Variants in STX18 observed in about 807,000 individuals in gnomAD.
The protein encoded by STX18 is syntaxin 18, also known as syntaxin-18.
A neutral mutation model predicts 50.1 loss-of-function variants in STX18; 40 were observed. The observed-to-expected ratio is 0.80, with a 90% CI of 0.62 to 1.04. STX18 has a LOEUF of 1.04. Ranked by LOEUF, STX18 falls within the 50% of genes least tolerant of loss-of-function variation. The pLI, the probability that STX18 is intolerant of heterozygous loss-of-function variation, is 0.00. For synonymous variants in STX18, 158 were observed against 151.8 expected (o/e 1.04, Z -0.30); for missense variants, 410 against 415.8 (o/e 0.99, Z 0.12).
chr4:4,479,729 C>T (rs1261964816), intron 1 of STX18, among the ~76,000 whole-genome samples: 4 of 152,128 alleles, frequency 2.6e-5, no homozygotes, highest in Non-Finnish European at 2.9e-5. Context: ...ACCCATCTAC[C>T]ATAAAACCAA....
rs1387042893 is a variant in STX18 at position 4,503,567 on chromosome 4, G to T, written c.169-31861C>A. Among the ~76,000 whole-genome samples, 6 of 152,008 alleles carry T rather than the reference G, an allele frequency of 3.9e-5. No individual in the cohort carries two copies. The South Asian group carries it at 6.2e-4, about 16-fold the overall frequency. ...AACTATGATAAAATGATCAATAAAAGATTTCTGGGTCACAGGAGCACCAAA... is the reference window on the plus strand; with the variant it reads ...AACTATGATAAAATGATCAATAAAATATTTCTGGGTCACAGGAGCACCAAA... On this transcript the variant is annotated intron_variant, in intron 1 of 10. Transcript: ENST00000306200.
At chr4:4,532,070 T>C (rs906494504) in intron 1 of STX18, among the ~76,000 whole-genome samples, 133 of 152,326 alleles carry the variant, frequency 8.7e-4, no homozygotes, top group African/African-American at 3.0e-3. Flanking sequence ...TACTGATATT[T>C]AAAAATTTCC....
intron 1 of STX18, among the ~76,000 whole-genome samples, chr4:4,504,680 A>C (rs1729615289): frequency 6.6e-6 from 1 of 152,230 alleles, no homozygotes; most frequent in Admixed American, 6.5e-5. Context: ...CACTTCACTA[A>C]AGAAGGCAAG....
intron 1 of STX18, among the ~76,000 whole-genome samples, chr4:4,520,996 G>C (rs1275419284): frequency 1.3e-5 from 2 of 152,088 alleles, no homozygotes; most frequent in Non-Finnish European, 2.9e-5. Context: ...AATCTTTGAA[G>C]ATGAAAAACA....
At chr4:4,520,843 C>A (rs184790680) in intron 1 of STX18, among the ~76,000 whole-genome samples, 216 of 152,318 alleles carry the variant, frequency 1.4e-3, no homozygotes, top group Non-Finnish European at 2.7e-3. Flanking sequence ...AAGACTCCTG[C>A]CTAGTGAAAT....
At chr4:4,541,214 G>A (rs1731574832) in intron 1 of STX18, among the ~76,000 whole-genome samples, 1 of 152,180 alleles carries the variant, frequency 6.6e-6, no homozygotes, top group African/African-American at 2.4e-5. Context: ...GGGAGATGAA[G>A]GGACACCTGC....
intron 1 of STX18, among the ~76,000 whole-genome samples, chr4:4,532,028 C>T (rs1731118556): frequency 6.6e-6 from 1 of 152,140 alleles, no homozygotes; most frequent in Non-Finnish European, 1.5e-5. Context: ...AATAGCTATG[C>T]AGCCAAATAA....
At chr4:4,533,568 A>G (rs533576706) in intron 1 of STX18, among the ~76,000 whole-genome samples, 9 of 152,374 alleles carry the variant, frequency 5.9e-5, no homozygotes, top group African/African-American at 2.2e-4. Context: ...CATTAGTTAC[A>G]GTGCTTACAA....
chr4:4,528,222 G>A (rs1468226327), intron 1 of STX18, among the ~76,000 whole-genome samples: 1 of 151,988 alleles, frequency 6.6e-6, no homozygotes, highest in Admixed American at 6.5e-5. Context: ...AGAAGCCAGG[G>A]GGCAAGGAAA....
At chr4:4,469,425 G>GC (rs11437733) in intron 2 of STX18, among the ~76,000 whole-genome samples, 11,309 of 152,192 alleles carry the variant, frequency 0.074, 1,354 homozygotes, top group African/African-American at 0.25. Flanking sequence ...GTGAAATGAA[G>GC]CGACAGGGCC....
chr4:4,500,502 C>G (rs1045136264), intron 1 of STX18, among the ~76,000 whole-genome samples: 1 of 152,134 alleles, frequency 6.6e-6, no homozygotes, highest in African/African-American at 2.4e-5. Flanking sequence ...AGGTTATACA[C>G]AAATACTGCA....
chr4:4,473,279 C>T (rs575561864), intron 1 of STX18, among the ~76,000 whole-genome samples: 1 of 150,968 alleles, frequency 6.6e-6, no homozygotes, highest in African/African-American at 2.4e-5. Context: ...TAGGCTGCAT[C>T]AGGAAATCTG....
chr4:4,430,170 T>G (rs1725452002), intron 7 of STX18, among the ~76,000 whole-genome samples: 1 of 152,244 alleles, frequency 6.6e-6, no homozygotes, highest in Non-Finnish European at 1.5e-5. Context: ...TTTTGAAATA[T>G]GTAATAACTG....
At position 4,436,950 on chromosome 4, in the gene STX18, C is replaced by CTTTTT. The variant is rs34174730; in HGVS notation, c.613+1439_613+1443dup. Reference sequence around the variant, plus strand: ...TTTTATTTTTTCAGGTCCAGACTCACTTTTTTTTTTTTTTTTTTTTTTTTT... The same window carrying CTTTTT: ...TTTTATTTTTTCAGGTCCAGACTCACTTTTTTTTTTTTTTTTTTTTTTTTTTTTTT... On this transcript the variant is annotated intron_variant, in intron 6 of 10. Transcript: ENST00000306200. 4.7e-4 allele frequency among the ~76,000 whole-genome samples: 55 copies of CTTTTT among 116,762 alleles called. 1 individual carries two copies. The highest frequency in any genetic ancestry group is 1.8e-3 in the African/African-American group (52 of 29,212). The allele number at this position is 116,762 out of a possible 152,430, so 76.6% of individuals were successfully genotyped here. A position where few individuals can be genotyped will look rare whatever the true frequency, so the allele number is the denominator to read the frequency against.
At position 4,490,029 on chromosome 4, in the gene STX18, T is replaced by C. The variant is rs148617090; in HGVS notation, c.169-18323A>G. Among the ~76,000 whole-genome samples the C allele has an allele frequency of 1.7e-4, 26 of 152,276 alleles. 1 individual carries two copies. In the East Asian group the frequency reaches 4.6e-3, roughly 27 times the overall value. ...GGTAAAGCATTTGAAACACCATACATACAAAAAATTTTCATTCATATTGCA... is the reference window on the plus strand; with the variant it reads ...GGTAAAGCATTTGAAACACCATACACACAAAAAATTTTCATTCATATTGCA... On this transcript the variant is annotated intron_variant, in intron 1 of 10. Transcript: ENST00000306200.
rs142666026 is a variant in STX18, at chr4:4,461,535, C to G, written c.237-2048G>C. Among the ~76,000 whole-genome samples the G allele has an allele frequency of 2.0e-5, 3 of 152,306 alleles. No homozygotes were observed. The East Asian group carries it at 5.8e-4, about 29-fold the overall frequency. On this transcript the variant is annotated intron_variant, in intron 2 of 10. Transcript: ENST00000306200. Reference sequence around the variant, plus strand: ...GTCAAACTAACAAAGCCTCATAGGTCTGAAGGCAGTATTTCTACACATATT... The same window carrying G: ...GTCAAACTAACAAAGCCTCATAGGTGTGAAGGCAGTATTTCTACACATATT...
intron 3 of STX18, among the ~76,000 whole-genome samples, chr4:4,457,760 A>T (rs945595097): frequency 1.3e-5 from 2 of 152,252 alleles, no homozygotes; most frequent in Non-Finnish European, 2.9e-5. Flanking sequence ...TATTTGACGC[A>T]GCCACTTCTT....
intron 1 of STX18, among the ~76,000 whole-genome samples, chr4:4,514,216 A>G (rs28623717): frequency 6.6e-6 from 1 of 152,326 alleles, no homozygotes; most frequent in African/African-American, 2.4e-5. Context: ...TAGATATATG[A>G]ATCAGAAAAA....
rs369902466 is a variant in STX18 at position 4,458,256 on chromosome 4, G to A, written c.353-756C>T. Among the ~76,000 whole-genome samples the A allele has an allele frequency of 6.6e-5, 10 of 152,332 alleles. No homozygotes were observed. In the South Asian group the frequency reaches 2.1e-3, roughly 32 times the overall value. On this transcript the variant is annotated intron_variant, in intron 3 of 10. Coordinates refer to ENST00000306200, the MANE Select transcript of STX18 (RefSeq NM_016930.4). Reference sequence around the variant, plus strand: ...AGGTTAGATGGTTTCATATGTAAATGTAGGTTTTGTTAAATATTCCTGTGC... The same window carrying A: ...AGGTTAGATGGTTTCATATGTAAATATAGGTTTTGTTAAATATTCCTGTGC...
Sources: allele counts gnomAD v4.1 joint callset (sites outside exome capture counted in the v4.1 genomes callset), GRCh38; gene constraint gnomAD v4.1.1; transcripts MANE v1.5; gene names NCBI Gene and HGNC (gene_info 2026-07-23, HGNC 2026-07-21).